The following PCLO variants were observed in gnomAD, a reference collection of about 807,000 sequenced individuals.
PCLO encodes the protein protein piccolo.
PCLO carries 82 observed loss-of-function variants against 427.5 expected under a neutral mutation model. The observed-to-expected ratio is 0.19, with a 90% CI of 0.16 to 0.23. The LOEUF (loss-of-function observed/expected upper bound fraction) is 0.23. Ranked by LOEUF, PCLO falls within the 10% of genes least tolerant of loss-of-function variation. PCLO has a pLI of 1.00. For synonymous variants in PCLO, 2,357 were observed against 2,155.4 expected (o/e 1.09, Z -2.59); for missense variants, 6,239 against 6,115.9 (o/e 1.02, Z -0.67).
intron 3 of PCLO, among the ~76,000 whole-genome samples, chr7:83,109,204 A>G (rs570835076): frequency 1.3e-5 from 2 of 152,266 alleles, no homozygotes; most frequent in African/African-American, 4.8e-5. Flanking sequence ...ACTAGAAAAA[A>G]TGCCTACAAT....
chr7:82,962,240 C>A (rs745309767), intron 4 of PCLO, among the ~76,000 whole-genome samples: 1 of 152,028 alleles, frequency 6.6e-6, no homozygotes, highest in Non-Finnish European at 1.5e-5. Flanking sequence ...TTTTCTAGTA[C>A]TTTATAAGTT....
chr7:83,012,017 A>G (rs1429847971), intron 3 of PCLO, among the ~76,000 whole-genome samples: 2 of 152,000 alleles, frequency 1.3e-5, no homozygotes, highest in African/African-American at 4.8e-5. Context: ...TATTTATTTA[A>G]ATTGACAGAT....
At chr7:82,961,121 G>C (rs576406571) in intron 4 of PCLO, among the ~76,000 whole-genome samples, 10 of 152,148 alleles carry the variant, frequency 6.6e-5, no homozygotes, top group African/African-American at 2.4e-4. Flanking sequence ...AATAGTAAGA[G>C]GTAAATTAAG....
At chr7:82,793,236 A>G (rs1791144091) in intron 22 of PCLO, among the ~76,000 whole-genome samples, 1 of 152,132 alleles carries the variant, frequency 6.6e-6, no homozygotes, top group African/African-American at 2.4e-5. Context: ...TGTCAAAGAC[A>G]AGGAAGAGTC....
intron 16 of PCLO, among the ~76,000 whole-genome samples, chr7:82,835,456 A>G (rs1443916482): frequency 1.3e-5 from 2 of 152,100 alleles, no homozygotes; most frequent in Admixed American, 6.6e-5. Context: ...AATATTTTCT[A>G]CTTTTCTGTG....
At chr7:83,089,330 ATCTC>A (rs1259950760) in intron 3 of PCLO, among the ~76,000 whole-genome samples, 1 of 152,078 alleles carries the variant, frequency 6.6e-6, no homozygotes, top group South Asian at 2.1e-4. Context: ...CACCAGATTT[ATCTC>A]TCTCTAACAC....
chr7:82,970,131 T>C (rs551411128), intron 3 of PCLO, among the ~76,000 whole-genome samples: 5 of 152,082 alleles, frequency 3.3e-5, no homozygotes, highest in Middle Eastern at 3.4e-3. Flanking sequence ...AAAAAGGCAA[T>C]GATTAAAAAC....
At chr7:82,888,294 G>T (rs1275791188) in intron 9 of PCLO, among the ~76,000 whole-genome samples, 32 of 152,080 alleles carry the variant, frequency 2.1e-4, no homozygotes, top group Admixed American at 2.1e-3. Flanking sequence ...AAGCAGAAGA[G>T]ATGGCATAAT....
intron 9 of PCLO, among the ~76,000 whole-genome samples, chr7:82,901,187 T>C (rs1584122527): frequency 6.6e-6 from 1 of 151,936 alleles, no homozygotes; most frequent in East Asian, 1.9e-4. Context: ...CTCCTCATAT[T>C]AATGATCATG....
At position 83,124,190 on chromosome 7, in the gene PCLO, G is replaced by A. The variant is rs1488524797; in HGVS notation, c.3300+10060C>T. On this transcript the variant is annotated intron_variant, in intron 3 of 24. Coordinates refer to ENST00000333891, the MANE Select transcript of PCLO (RefSeq NM_033026.6). ...AAATTAGCCGGGTGCAGTGGCGGGC[G>A]CCTGTAGTCCCAGCTACTCGGAAGG... is the stretch of plus-strand genomic sequence containing the variant. Among the ~76,000 whole-genome samples the A allele has an allele frequency of 1.9e-4, 28 of 150,794 alleles. No individual in the cohort carries two copies. The East Asian group carries it at 2.2e-3, about 12-fold the overall frequency.
intron 8 of PCLO, 78 bp from the exon 9 acceptor site, chr7:82,902,819 AT>A (rs1190518646): frequency 1.4e-6 from 1 of 714,356 alleles, no homozygotes; most frequent in Non-Finnish European, 2.5e-6. Context: ...AGAATGGTTC[AT>A]TTCAAAGCAC....
intron 3 of PCLO, among the ~76,000 whole-genome samples, chr7:83,044,801 T>A (rs1413353143): frequency 1.3e-5 from 2 of 152,170 alleles, no homozygotes; most frequent in Non-Finnish European, 2.9e-5. Flanking sequence ...ATATCTAAAA[T>A]AATAATCTTC....
intron 3 of PCLO, among the ~76,000 whole-genome samples, chr7:83,133,533 A>T (rs913072496): frequency 6.6e-6 from 1 of 152,088 alleles, no homozygotes; most frequent in Non-Finnish European, 1.5e-5. Flanking sequence ...ATTGCAGAAA[A>T]AGTATTCTTA....
At chr7:82,948,619 G>A (rs1442546663) in intron 6 of PCLO, among the ~76,000 whole-genome samples, 1 of 152,076 alleles carries the variant, frequency 6.6e-6, no homozygotes, top group African/African-American at 2.4e-5. Context: ...GAATAGTTAT[G>A]TATATTAGAT....
intron 10 of PCLO, among the ~76,000 whole-genome samples, chr7:82,874,093 C>T (rs2888019): frequency 0.42 from 63,564 of 151,796 alleles, 14,518 homozygotes; most frequent in Middle Eastern, 0.51. Flanking sequence ...GTGTATAAAC[C>T]GCACATATCG....
At chr7:83,029,870 C>G (rs1031350302) in intron 3 of PCLO, among the ~76,000 whole-genome samples, 5 of 146,170 alleles carry the variant, frequency 3.4e-5, no homozygotes, top group African/African-American at 1.3e-4. Flanking sequence ...AACAAAAAAC[C>G]AAACACCGCA....
chr7:83,086,510 T>C (rs1245378894), intron 3 of PCLO, among the ~76,000 whole-genome samples: 3 of 152,070 alleles, frequency 2.0e-5, no homozygotes, highest in African/African-American at 7.2e-5. Context: ...TTTCCTAAGA[T>C]AGAGGTCTAT....
At chr7:82,806,961 T>C in intron 20 of PCLO, among the ~76,000 whole-genome samples, 1 of 110,072 alleles carries the variant, frequency 9.1e-6, no homozygotes, top group East Asian at 3.1e-4. Context: ...TATTCTCTTC[T>C]CAAGGTATCC....
chr7:83,133,480 A>G (rs1791625441), intron 3 of PCLO, among the ~76,000 whole-genome samples: 1 of 152,060 alleles, frequency 6.6e-6, no homozygotes, highest in Non-Finnish European at 1.5e-5. Flanking sequence ...TCATTCTTTT[A>G]TAACTATATT....
Sources: allele counts gnomAD v4.1 joint callset (sites outside exome capture counted in the v4.1 genomes callset), GRCh38; gene constraint gnomAD v4.1.1; transcripts MANE v1.5; gene names NCBI Gene and HGNC (gene_info 2026-07-23, HGNC 2026-07-21).